The following TTLL13 variants were observed in gnomAD, a reference collection of about 807,000 sequenced individuals.
The protein encoded by TTLL13 is tubulin polyglutamylase TTLL13.
the TTLL13 span, among the ~76,000 whole-genome samples, chr15:90,259,622 T>C: frequency 6.6e-6 from 1 of 152,230 alleles, no homozygotes; most frequent in African/African-American, 2.4e-5. Flanking sequence ...GCACCCTGGT[T>C]AGCAACGTAT....
chr15:90,252,262 C>T, the TTLL13 span, among the ~76,000 whole-genome samples: 1 of 152,134 alleles, frequency 6.6e-6, no homozygotes, highest in Non-Finnish European at 1.5e-5. Flanking sequence ...GTCTTGAACT[C>T]CTGACCTCAG....
the TTLL13 span, among the ~76,000 whole-genome samples, chr15:90,253,923 C>G: frequency 1.3e-5 from 2 of 152,120 alleles, no homozygotes; most frequent in African/African-American, 2.4e-5. Flanking sequence ...TTTGGGGAAG[C>G]CAGGCAGGAA....
the TTLL13 span, among the ~76,000 whole-genome samples, chr15:90,260,841 ACT>A: frequency 7.0e-6 from 1 of 142,204 alleles, no homozygotes; most frequent in African/African-American, 2.7e-5. Context: ...ATAGAGCAGG[ACT>A]CTGTCTCAAA....
At chr15:90,256,027 C>A in the TTLL13 span, 1 of 1,556,054 alleles carries the variant, frequency 6.4e-7, no homozygotes, top group Admixed American at 1.8e-5. Flanking sequence ...AAAAGAGGGT[C>A]TGAGACTGAG....
chr15:90,262,062 A>G, the TTLL13 span: 1 of 1,535,970 alleles, frequency 6.5e-7, no homozygotes, highest in Non-Finnish European at 8.7e-7. Flanking sequence ...CGATATGAGG[A>G]TTCTCACCTG....
the TTLL13 span, chr15:90,257,799 G>A: frequency 7.1e-7 from 1 of 1,417,682 alleles, no homozygotes; most frequent in Non-Finnish European, 9.9e-7. Context: ...AACCAAGCTG[G>A]CTCTTGGGAG....
the TTLL13 span, chr15:90,263,783 C>A: frequency 1.4e-6 from 1 of 703,494 alleles, no homozygotes; most frequent in Non-Finnish European, 2.6e-6. Flanking sequence ...GAACTGAAAT[C>A]TATGAGTCTG....
chr15:90,262,217 C>A, the TTLL13 span: 1 of 1,508,794 alleles, frequency 6.6e-7, no homozygotes, highest in Non-Finnish European at 8.8e-7. Flanking sequence ...TTCTCCTCTG[C>A]ACACCTAGGT....
chr15:90,255,823 C>T, the TTLL13 span: 28 of 1,614,062 alleles, frequency 1.7e-5, no homozygotes, highest in African/African-American at 1.6e-4. Context: ...ACCTCAACCG[C>T]ATGTACAAAC....
chr15:90,262,135 C>T, the TTLL13 span: 1 of 1,535,900 alleles, frequency 6.5e-7, no homozygotes, highest in Non-Finnish European at 8.7e-7. Context: ...TCTTCAAGCA[C>T]AATGGCTCCC....
At chr15:90,256,543 C>A in the TTLL13 span, among the ~76,000 whole-genome samples, 1 of 141,100 alleles carries the variant, frequency 7.1e-6, no homozygotes, top group Non-Finnish European at 1.5e-5. Context: ...TGTCTCCTTC[C>A]TTTTTCTTTC....
chr15:90,265,121 A>G, the TTLL13 span: 1 of 1,253,808 alleles, frequency 8.0e-7, no homozygotes, highest in Non-Finnish European at 1.1e-6. Flanking sequence ...CAAAGACACC[A>G]AGAATTCCTC....
At chr15:90,257,969 G>A in the TTLL13 span, 129 of 1,453,024 alleles carry the variant, frequency 8.9e-5, no homozygotes, top group Admixed American at 2.4e-4. Context: ...TAGTGTGAGG[G>A]AGCCTCCTGC....
the TTLL13 span, among the ~76,000 whole-genome samples, chr15:90,256,832 C>T: frequency 6.6e-5 from 10 of 152,138 alleles, no homozygotes; most frequent in African/African-American, 2.4e-4. Context: ...GGATCACAGG[C>T]ACCTGCCACC....
chr15:90,259,368 C>T, the TTLL13 span, among the ~76,000 whole-genome samples: 1,399 of 150,524 alleles, frequency 9.3e-3, 27 homozygotes, highest in African/African-American at 0.033. Flanking sequence ...CCAGCCTGGG[C>T]AACAGAGTGA....
chr15:90,264,386 GC>G, the TTLL13 span, among the ~76,000 whole-genome samples: 1 of 152,074 alleles, frequency 6.6e-6, no homozygotes, highest in Non-Finnish European at 1.5e-5. Flanking sequence ...TTGCCACGTA[GC>G]CCAGGCTGGT....
At chr15:90,254,261 G>A in the TTLL13 span, among the ~76,000 whole-genome samples, 3 of 150,986 alleles carry the variant, frequency 2.0e-5, no homozygotes, top group Admixed American at 6.6e-5. Flanking sequence ...TTGGGAGGCC[G>A]AGGCGGGCGG....
At chr15:90,265,314 G>A in the TTLL13 span, 1 of 1,209,154 alleles carries the variant, frequency 8.3e-7, no homozygotes, top group Non-Finnish European at 1.0e-6. Flanking sequence ...CTTTCCCAGA[G>A]AAGCCGAGTG....
chr15:90,249,586 ACGGCCAC>A, the TTLL13 span: 1 of 152,292 alleles, frequency 6.6e-6, no homozygotes, highest in Admixed American at 6.5e-5. Flanking sequence ...AGCCGCAGCC[ACGGCCAC>A]CGGGAGCTAG....
Sources: gnomAD v4.1 joint callset for allele counts (sites outside exome capture counted in the v4.1 genomes callset) on GRCh38, gnomAD v4.1.1 for gene constraint, MANE v1.5 for transcripts, NCBI Gene and HGNC (gene_info 2026-07-23, HGNC 2026-07-21) for gene names.